Variants in WWOX observed in about 807,000 individuals in gnomAD.
The protein encoded by WWOX is WW domain-containing oxidoreductase.
Under a neutral mutation model 46.2 loss-of-function variants are expected in WWOX, and 69 were observed. The observed-to-expected ratio is 1.49, with a 90% CI of 1.23 to 1.82. The LOEUF is 1.82. Among genes scored for constraint, WWOX ranks in the 40% most tolerant of loss-of-function variants. The pLI, the probability that WWOX is intolerant of heterozygous loss-of-function variation, is 0.00. For missense variants in WWOX, 919 were observed against 542.6 expected, an observed-to-expected ratio of 1.69 and a Z score of -6.89; for synonymous variants, 359 against 202.6, an observed-to-expected ratio of 1.77 and a Z score of -6.56.
rs922906551 is a variant in WWOX at position 78,342,986 on chromosome 16, C to T, written c.517-43874C>T. 1.2e-4 allele frequency among the ~76,000 whole-genome samples: 14 copies of T among 121,020 alleles called. 5 individuals carry two copies. The highest frequency in any genetic ancestry group is 5.0e-4 in the South Asian group (2 of 4,040). The allele number at this position is 121,020 out of a possible 152,430, so 79.4% of individuals were successfully genotyped here. On this transcript the variant is annotated intron_variant, in intron 5 of 8. Transcript: ENST00000566780. ...GCAGATGACAATAAAGGTATTTTGG[C>T]ACATAAAAAAACTGCTCAGCACACC...
chr16:78,897,687 A>T (rs991251598), intron 8 of WWOX: 1 of 152,138 alleles, frequency 6.6e-6, no homozygotes, highest in African/African-American at 2.4e-5. Flanking sequence ...TGTATTTTTG[A>T]TAAATACCTA....
chr16:79,204,290 GC>G (rs1353282172), intron 8 of WWOX: 1 of 152,108 alleles, frequency 6.6e-6, no homozygotes, highest in Non-Finnish European at 1.5e-5. Context: ...TAATGAGACA[GC>G]CTCTCAGGTC....
intron 5 of WWOX, among the ~76,000 whole-genome samples, chr16:78,245,849 C>G (rs1467790403): frequency 1.3e-5 from 2 of 152,156 alleles, no homozygotes; most frequent in African/African-American, 2.4e-5. Context: ...CATAATTAAC[C>G]TCTTCAAAAT....
intron 8 of WWOX, among the ~76,000 whole-genome samples, chr16:78,818,181 C>T (rs370860963): frequency 2.0e-5 from 3 of 152,296 alleles, no homozygotes; most frequent in African/African-American, 7.2e-5. Flanking sequence ...AGAAGGTAGT[C>T]TCTGTGTTCA....
chr16:79,081,366 GT>G (rs2150582414), intron 8 of WWOX, among the ~76,000 whole-genome samples: 1 of 152,266 alleles, frequency 6.6e-6, no homozygotes, highest in East Asian at 1.9e-4. Context: ...GTTTTGCCGT[GT>G]TGGCCAGGCT....
intron 8 of WWOX, among the ~76,000 whole-genome samples, chr16:79,160,180 G>T (rs1426820765): frequency 6.6e-6 from 1 of 152,242 alleles, no homozygotes; most frequent in Non-Finnish European, 1.5e-5. Flanking sequence ...ACACTGGTCT[G>T]TTTGTTCAAG....
At chr16:78,537,992 A>G (rs954137654) in intron 8 of WWOX, among the ~76,000 whole-genome samples, 2 of 152,048 alleles carry the variant, frequency 1.3e-5, no homozygotes, top group Non-Finnish European at 2.9e-5. Context: ...CCTTTCCCCG[A>G]TTCTTGAAAA....
rs545570712 is a variant in WWOX at position 78,510,254 on chromosome 16, T to C, written c.1056+77502T>C. Among the ~76,000 whole-genome samples the C allele has an allele frequency of 1.8e-3, 272 of 152,314 alleles. 3 individuals are homozygous for C. Among genetic ancestry groups the C allele is most frequent in the Non-Finnish European group, 2.8e-3 (191 of 68,036 alleles). ...AGATGGAGTCTTGCTCTGTTGACCA[T>C]GCTAGAGGTGGCGCGATCTCCACTC... On this transcript the variant is annotated intron_variant, in intron 8 of 8. Coordinates refer to ENST00000566780, the MANE Select transcript of WWOX (RefSeq NM_016373.4).
intron 8 of WWOX, among the ~76,000 whole-genome samples, chr16:78,718,915 A>G (rs904401637): frequency 6.6e-6 from 1 of 152,112 alleles, no homozygotes; most frequent in South Asian, 2.1e-4. Flanking sequence ...CTCATGACCT[A>G]AAGAACATGG....
intron 4 of WWOX, chr16:78,118,818 G>T (rs977359853): frequency 2.0e-5 from 3 of 152,190 alleles, no homozygotes; most frequent in Admixed American, 2.0e-4. Context: ...GCCCCAGGAA[G>T]ACTGTGGCAG....
intron 8 of WWOX, among the ~76,000 whole-genome samples, chr16:79,141,617 A>G (rs1339529416): frequency 6.6e-6 from 1 of 152,230 alleles, no homozygotes; most frequent in Non-Finnish European, 1.5e-5. Flanking sequence ...ATGTCCTCCA[A>G]AGAAGTTTGG....
At chr16:79,098,840 C>G (rs1381211584) in intron 8 of WWOX, among the ~76,000 whole-genome samples, 2 of 152,142 alleles carry the variant, frequency 1.3e-5, no homozygotes, top group Non-Finnish European at 2.9e-5. Flanking sequence ...ATGTTGCCTT[C>G]TCTGTATATC....
chr16:78,475,936 A>G (rs570977697), intron 8 of WWOX, among the ~76,000 whole-genome samples: 28 of 152,312 alleles, frequency 1.8e-4, no homozygotes, highest in Non-Finnish European at 3.4e-4. Context: ...TGTGTCTCTT[A>G]TTAATTTATT....
intron 8 of WWOX, among the ~76,000 whole-genome samples, chr16:79,011,797 T>C (rs1394491844): frequency 1.3e-5 from 2 of 152,000 alleles, no homozygotes; most frequent in African/African-American, 4.8e-5. Flanking sequence ...CCGGCCCCCT[T>C]TTTTAAAAAA....
Position 78,123,440 on chromosome 16 carries a change from G to GTTTTGTTTTGTTTTTTTTT in WWOX, c.409+8290_409+8291insGTTTTGTTTTTTTTTTTTT, listed in dbSNP as rs1567584444. 28 of 50,476 alleles carry GTTTTGTTTTGTTTTTTTTT rather than the reference G, an allele frequency of 5.5e-4. 1 individual carries two copies. The highest frequency in any genetic ancestry group is 2.7e-3 in the Admixed American group (11 of 4,138). The allele number at this position is 50,476 out of a possible 1,614,324, so 3.1% of individuals were successfully genotyped here. A position where few individuals can be genotyped will look rare whatever the true frequency, so the allele number is the denominator to read the frequency against. ...TGTTTTTTTCTTTGTTTTTTGTTTTGTTTTTTTTTTTTTTGTTTTTTTTTT... is the reference window on the plus strand; with the variant it reads ...TGTTTTTTTCTTTGTTTTTTGTTTTGTTTTGTTTTGTTTTTTTTTTTTTTTTTTTTTTTGTTTTTTTTTT... On this transcript the variant is annotated intron_variant, in intron 4 of 8. Transcript: ENST00000566780.
At chr16:78,207,198 G>A (rs1412109642) in intron 5 of WWOX, among the ~76,000 whole-genome samples, 2 of 152,116 alleles carry the variant, frequency 1.3e-5, no homozygotes, top group East Asian at 3.9e-4. Context: ...TACCCACATG[G>A]ACCTACTCTA....
At chr16:78,763,396 C>G (rs2049842185) in intron 8 of WWOX, among the ~76,000 whole-genome samples, 1 of 152,184 alleles carries the variant, frequency 6.6e-6, no homozygotes, top group Admixed American at 6.5e-5. Flanking sequence ...CATTGAATAC[C>G]TGCTATCTAC....
chr16:78,564,841 T>A (rs561697535), intron 8 of WWOX, among the ~76,000 whole-genome samples: 1 of 150,822 alleles, frequency 6.6e-6, no homozygotes, highest in South Asian at 2.1e-4. Flanking sequence ...TTATTTTTTC[T>A]TTTCTTTCCT....
At chr16:78,580,843 C>G in intron 8 of WWOX, among the ~76,000 whole-genome samples, 1 of 152,218 alleles carries the variant, frequency 6.6e-6, no homozygotes, top group East Asian at 1.9e-4. Context: ...ACCTATGCCT[C>G]TTTCACCTCA....
Sources: allele counts gnomAD v4.1 joint callset (sites outside exome capture counted in the v4.1 genomes callset), GRCh38; gene constraint gnomAD v4.1.1; transcripts MANE v1.5; gene names NCBI Gene and HGNC (gene_info 2026-07-23, HGNC 2026-07-21).